PSMG2: variants seen among roughly 807,000 people sequenced by gnomAD.
The protein encoded by PSMG2 is CD40 ligand-activated specific transcript 3.
Under a neutral mutation model 31.5 loss-of-function variants are expected in PSMG2, and 21 were observed. The ratio of observed to expected loss-of-function variants is 0.67; its 90% CI spans 0.47 to 0.96. PSMG2 has a LOEUF of 0.96. Among genes scored for constraint, PSMG2 ranks in the 40% least tolerant of loss-of-function variants. PSMG2 has a pLI of 0.00. For missense variants in PSMG2, 318 were observed against 321.2 expected (o/e 0.99, Z 0.08); for synonymous variants, 120 against 110.4 (o/e 1.09, Z -0.54).
At chr18:12,673,339 G>T (rs2038996559) in intron 1 of PSMG2, 1 of 1,586,266 alleles carries the variant, frequency 6.3e-7, no homozygotes, top group South Asian at 1.2e-5. Flanking sequence ...TTAAACACAG[G>T]TATAAATCTT....
chr18:12,704,814 A>G (rs978934069), intron 1 of PSMG2, among the ~76,000 whole-genome samples: 5 of 152,192 alleles, frequency 3.3e-5, no homozygotes, highest in Middle Eastern at 3.2e-3. Flanking sequence ...AGTTTAACCC[A>G]AGTAGCAAAA....
At chr18:12,686,813 A>G (rs901270619) in intron 1 of PSMG2, 1 of 163,712 alleles carries the variant, frequency 6.1e-6, no homozygotes, top group African/African-American at 2.4e-5. Context: ...ATTACCATAT[A>G]GAATTTAACA....
At chr18:12,718,760 G>A (rs527272173) in intron 4 of PSMG2, 125 bp downstream of exon 4, 11 of 607,920 alleles carry the variant, frequency 1.8e-5, no homozygotes, top group East Asian at 5.7e-5. Flanking sequence ...TTAGAAAGAG[G>A]GGGGTAAGAG....
Position 12,703,129 on chromosome 18 carries a change from T to A in PSMG2, c.22T>A (p.Ser8Thr), listed in dbSNP as rs780579119. The change falls in exon 1 of 7, where the codon TCG (serine) becomes ACG (threonine). Residue 8 changes from serine to threonine, a missense_variant. Physicochemically the swap from Ser to Thr is moderately conservative, Grantham distance 58. Transcript: ENST00000317615. MFVPCGE[S>T]APDLAGFTLL... ...GACCATGTTCGTTCCCTGCGGGGAG[T>A]CGGCCCCCGACCTTGCCGGCTTCAC... The A allele has an allele frequency of 4.2e-5, 68 of 1,612,080 alleles. No individual in the cohort carries two copies. The highest frequency in any genetic ancestry group is 5.6e-5 in the Non-Finnish European group (66 of 1,179,478).
chr18:12,675,230 A>G, intron 1 of PSMG2, among the ~76,000 whole-genome samples: 1 of 152,076 alleles, frequency 6.6e-6, no homozygotes, highest in East Asian at 1.9e-4. Context: ...CCCTGTATCT[A>G]CTAAAAATAC....
intron 1 of PSMG2, among the ~76,000 whole-genome samples, chr18:12,664,105 C>T (rs759355230): frequency 5.3e-5 from 8 of 151,846 alleles, no homozygotes; most frequent in Non-Finnish European, 1.0e-4. Flanking sequence ...GCGGTGGTTG[C>T]GGTGAGCCGA....
At chr18:12,701,839 C>A (rs372668745), upstream of PSMG2, among the ~76,000 whole-genome samples, 1 of 152,328 alleles carries the variant, frequency 6.6e-6, no homozygotes, top group East Asian at 1.9e-4. Context: ...GGTAAAGAAA[C>A]CCTGATATCT....
In PSMG2 at chr18:12,703,066, C is replaced by A. The variant is rs763201794; in HGVS notation, c.-42C>A. 6.2e-7 allele frequency: 1 copy of A among 1,600,792 alleles called. No homozygotes were observed. Among genetic ancestry groups the A allele is most frequent in the Non-Finnish European group, 8.5e-7 (1 of 1,173,774 alleles). Reference sequence around the variant, plus strand: ...CGCCTTCTTGCTGCCCTCGTTCTTGCCAGGGCCGCGGTTAGTCCCTGCTGG... The same window carrying A: ...CGCCTTCTTGCTGCCCTCGTTCTTGACAGGGCCGCGGTTAGTCCCTGCTGG... On this transcript the variant is annotated 5_prime_UTR_variant, in exon 1 of 7. Transcript: ENST00000317615.
chr18:12,689,254 T>C (rs2039658576), intron 1 of PSMG2, among the ~76,000 whole-genome samples: 1 of 150,386 alleles, frequency 6.6e-6, no homozygotes, highest in African/African-American at 2.4e-5. Flanking sequence ...TGTTGTTGTT[T>C]AATTTCAGAA....
rs780542634 is a variant in PSMG2 at position 12,718,486 on chromosome 18, T to A, written c.289-31T>A. ...TATGCTCTAAGACTAACTTTTAGAT[T>A]TTCTTTTTATTCTCTCAATGGTGTG... On this transcript the variant is annotated intron_variant, in intron 3 of 6. Coordinates refer to ENST00000317615, the MANE Select transcript of PSMG2 (RefSeq NM_020232.5). 3.5e-6 allele frequency: 5 copies of A among 1,423,614 alleles called. No homozygotes were observed. In the South Asian group the frequency reaches 6.4e-5, roughly 18 times the overall value. 88.2% of individuals were successfully genotyped at this position (1,423,614 alleles called of 1,614,324 possible). A position where few individuals can be genotyped will look rare whatever the true frequency, so the allele number is the denominator to read the frequency against.
Position 12,709,734 on chromosome 18 carries a change from A to G in PSMG2, c.230-2968A>G, listed in dbSNP as rs186382932. The stretch of plus-strand genomic sequence containing the variant: ...AGGCTGGTGTTGAACTCCTGACCTC[A>G]GGTGATCCAACCACCTTGGCCTTCC... On this transcript the variant is annotated intron_variant, in intron 2 of 6. Coordinates refer to ENST00000317615, the MANE Select transcript of PSMG2 (RefSeq NM_020232.5). 2.6e-5 allele frequency among the ~76,000 whole-genome samples: 4 copies of G among 151,688 alleles called. No homozygotes were observed. In the East Asian group the frequency reaches 7.9e-4, roughly 30 times the overall value.
intron 2 of PSMG2, among the ~76,000 whole-genome samples, chr18:12,710,426 G>C (rs1387533992): frequency 6.6e-6 from 1 of 152,120 alleles, no homozygotes; most frequent in Non-Finnish European, 1.5e-5. Flanking sequence ...AGTTTATTTT[G>C]GTGCAAAATG....
At chr18:12,666,841 G>A (rs1277294125) in intron 1 of PSMG2, among the ~76,000 whole-genome samples, 1 of 151,958 alleles carries the variant, frequency 6.6e-6, no homozygotes, top group East Asian at 1.9e-4. Context: ...TTCCAATCAG[G>A]TTTATCAAAA....
At chr18:12,660,383 G>A (rs1034299777) in intron 1 of PSMG2, among the ~76,000 whole-genome samples, 3 of 149,668 alleles carry the variant, frequency 2.0e-5, no homozygotes, top group East Asian at 3.9e-4. Context: ...GGTCAGTGCC[G>A]CGATTTCAGC....
chr18:12,702,907 C>A, upstream of PSMG2: 1 of 603,636 alleles, frequency 1.7e-6, no homozygotes, highest in Non-Finnish European at 2.8e-6. Flanking sequence ...CGCTGCTGGC[C>A]CCTCTTCGCG....
At position 12,659,765 on chromosome 18, in the gene PSMG2, A is replaced by G. The variant is rs189201176; in HGVS notation, c.-37+992A>G. ...GAGAGACAAAACAACCCCTTAAAGT[A>G]GCATCACTTAATTATAGGTTCATAA... On this transcript the variant is annotated intron_variant, in intron 1 of 6. Transcript: ENST00000585331. Among the ~76,000 whole-genome samples, 392 of 152,336 alleles carry G rather than the reference A, an allele frequency of 2.6e-3. 1 individual carries two copies. The highest frequency in any genetic ancestry group is 9.0e-3 in the African/African-American group (376 of 41,584).
Position 12,677,458 on chromosome 18 carries a change from CAAAAAAAAAAAA to C in PSMG2, c.-37+18700_-37+18711del, listed in dbSNP as rs71174127. Among the ~76,000 whole-genome samples, 134 of 53,948 alleles carry C rather than the reference CAAAAAAAAAAAA, an allele frequency of 2.5e-3. 1 individual carries two copies. Among genetic ancestry groups the C allele is most frequent in the Admixed American group, 8.8e-3 (27 of 3,074 alleles). The allele number at this position is 53,948 out of a possible 152,430, so 35.4% of individuals were successfully genotyped here. On this transcript the variant is annotated intron_variant, in intron 1 of 6. Coordinates refer to the PSMG2 transcript ENST00000585331. ...GGTGACAGAGCGAGAGATTCCATCT[CAAAAAAAAAAAA>C]AAAAAAAAAAAAAAGAGGTTTGATC...
intron 1 of PSMG2, chr18:12,695,283 TTTGA>T (rs1325818072): frequency 2.6e-6 from 4 of 1,560,734 alleles, no homozygotes; most frequent in Admixed American, 1.7e-5. Context: ...TGAGATAACG[TTTGA>T]TTGAGTGGTG....
upstream of PSMG2, chr18:12,699,158 C>G (rs1449747590): frequency 6.2e-7 from 1 of 1,614,038 alleles, no homozygotes; most frequent in Non-Finnish European, 8.5e-7. Flanking sequence ...AGCTTTTCCA[C>G]CCAAAACCTG....
Sources: gnomAD v4.1 joint callset for allele counts (sites outside exome capture counted in the v4.1 genomes callset) on GRCh38, gnomAD v4.1.1 for gene constraint, MANE v1.5 for transcripts, NCBI Gene and HGNC (gene_info 2026-07-23, HGNC 2026-07-21) for gene names.